CYP3A4: variants seen among roughly 807,000 people sequenced by gnomAD.
The protein encoded by CYP3A4 is cytochrome P450 family 3 subfamily A member 4.
Under a neutral mutation model 54.9 loss-of-function variants are expected in CYP3A4, and 41 were observed. The observed-to-expected ratio is 0.75, with a 90% CI of 0.58 to 0.97. The LOEUF (loss-of-function observed/expected upper bound fraction) is 0.97. Among genes scored for constraint, CYP3A4 ranks in the 50% least tolerant of loss-of-function variants. The pLI is 0.00. For missense variants in CYP3A4, 510 were observed against 597.3 expected (o/e 0.85, Z 1.52); for synonymous variants, 179 against 205.2 (o/e 0.87, Z 1.09).
chr7:99,758,666 A>C (rs1177469965), intron 12 of CYP3A4, among the ~76,000 whole-genome samples: 2 of 152,200 alleles, frequency 1.3e-5, no homozygotes, highest in Non-Finnish European at 2.9e-5. Flanking sequence ...AGTCATATAA[A>C]GTTAATTTTG....
rs60535349 is a variant in CYP3A4 at position 99,758,213 on chromosome 7, T to A, written c.1432A>T (p.Ser478Cys). The A allele has an allele frequency of 5.6e-5, 91 of 1,613,770 alleles. No homozygotes were observed. The Middle Eastern group carries it at 6.6e-4, about 12-fold the overall frequency. ...TCTGGTTGAAGAAGTCCTCCTAAGC[T>A]TAATTTCAGGGGGATCTGCAACAGT... is the stretch of plus-strand genomic sequence containing the variant. Reference protein sequence around the residue: ...CKETQIPLKLSLGGLLQPEKP... With the variant: ...CKETQIPLKLCLGGLLQPEKP... Residue 478 changes from serine to cysteine, a missense_variant, in exon 13 of 13, where the codon AGC (serine) becomes TGC (cysteine). By Grantham distance (112) the Ser-to-Cys change is moderately radical. Around this residue, in one of 2 missense-constraint regions of CYP3A4, gnomAD observed 238 missense variants for 322.5 expected, o/e 0.74. Coordinates refer to ENST00000651514, the MANE Select transcript of CYP3A4 (RefSeq NM_017460.6).
At chr7:99,763,645 G>GAGAA (rs1404511329) in intron 10 of CYP3A4, among the ~76,000 whole-genome samples, 1 of 152,216 alleles carries the variant, frequency 6.6e-6, no homozygotes, top group African/African-American at 2.4e-5. Flanking sequence ...AGATGAACCA[G>GAGAA]AGCCAGCACG....
chr7:99,760,740 A>T, intron 12 of CYP3A4, 79 bp downstream of exon 12: 2 of 1,524,862 alleles, frequency 1.3e-6, no homozygotes, highest in South Asian at 2.4e-5. Flanking sequence ...TTAAACAAGC[A>T]TATTCTTTTT....
At chr7:99,779,846 T>C (rs1202715793) in intron 2 of CYP3A4, 146 bp downstream of exon 2, 2 of 730,830 alleles carry the variant, frequency 2.7e-6, no homozygotes, top group East Asian at 2.9e-5. Context: ...TGGGTAAACA[T>C]TGCCATGTTC....
rs770953467 is a variant in CYP3A4 at position 99,768,473 on chromosome 7, A to G, written c.551T>C (p.Ile184Thr). The G allele has an allele frequency of 6.2e-6, 10 of 1,614,008 alleles. No homozygotes were observed. In the South Asian group the frequency reaches 7.7e-5, roughly 12 times the overall value. Residue 184 changes from isoleucine (I) to threonine (T), a missense_variant, in exon 7 of 13, where the codon ATC (isoleucine) becomes ACC (threonine). Coordinates refer to ENST00000651514, the MANE Select transcript of CYP3A4 (RefSeq NM_017460.6). ...GTTCACTCCAAATGATGTGCTAGTG[A>G]TCACATCCATGCTGTAGGCCCCAAA... Reference protein sequence around the residue: ...DVFGAYSMDVITSTSFGVNID... With the variant: ...DVFGAYSMDVTTSTSFGVNID...
At chr7:99,775,696 A>G (rs1446373951) in intron 3 of CYP3A4, among the ~76,000 whole-genome samples, 11 of 152,224 alleles carry the variant, frequency 7.2e-5, no homozygotes, top group African/African-American at 1.9e-4. Flanking sequence ...TTAACTCAAG[A>G]TGGATTAAAG....
chr7:99,768,233 T>C, intron 7 of CYP3A4, 121 bp downstream of exon 7: 1 of 1,155,544 alleles, frequency 8.7e-7, no homozygotes, highest in Non-Finnish European at 1.2e-6. Context: ...TATCTTCAAA[T>C]GTACTACAAA....
intron 1 of CYP3A4, among the ~76,000 whole-genome samples, chr7:99,781,490 A>T (rs561084110): frequency 6.6e-6 from 1 of 152,152 alleles, no homozygotes; most frequent in East Asian, 1.9e-4. Context: ...CCTGCTTGCA[A>T]CTCATCTTTG....
chr7:99,763,494 C>T (rs1405871522), intron 10 of CYP3A4, among the ~76,000 whole-genome samples: 1 of 152,166 alleles, frequency 6.6e-6, no homozygotes, highest in African/African-American at 2.4e-5. Context: ...GGACATCACA[C>T]ACCACTATGG....
chr7:99,758,342 T>C, intron 12 of CYP3A4, 114 bp from the exon 13 acceptor site: 1 of 1,273,544 alleles, frequency 7.9e-7, no homozygotes, highest in Non-Finnish European at 1.1e-6. Flanking sequence ...CAGAGTGATA[T>C]TCTGATCTCT....
At chr7:99,778,293 G>A (rs35379756) in intron 2 of CYP3A4, among the ~76,000 whole-genome samples, 48 of 152,284 alleles carry the variant, frequency 3.2e-4, no homozygotes, top group African/African-American at 1.2e-3. Context: ...TCCAAGTGTT[G>A]TGGATACTGA....
At chr7:99,773,410 A>G (rs1289988317) in intron 3 of CYP3A4, among the ~76,000 whole-genome samples, 3 of 152,200 alleles carry the variant, frequency 2.0e-5, no homozygotes, top group Non-Finnish European at 4.4e-5. Context: ...TCAGCACCAC[A>G]TCGCACTTAT....
chr7:99,763,830 CCTT>C, intron 10 of CYP3A4, 22 bp downstream of exon 10: 3 of 1,613,634 alleles, frequency 1.9e-6, no homozygotes, highest in Non-Finnish European at 1.7e-6. Flanking sequence ...CCTCCTCCCT[CCTT>C]CTCCATGTAC....
chr7:99,769,545 T>C, intron 6 of CYP3A4: 1 of 560,106 alleles, frequency 1.8e-6, no homozygotes, highest in Non-Finnish European at 3.2e-6. Flanking sequence ...AATGGATATG[T>C]AAACCCTGGC....
At chr7:99,768,307 A>G (rs1563041679) in intron 7 of CYP3A4, 47 bp downstream of exon 7, 1 of 1,578,730 alleles carries the variant, frequency 6.3e-7, no homozygotes, top group Non-Finnish European at 8.7e-7. Flanking sequence ...TAAAGCAGTT[A>G]TTTTTAAGAG....
intron 9 of CYP3A4, among the ~76,000 whole-genome samples, chr7:99,765,431 AGAT>A (rs1305952539): frequency 6.6e-6 from 1 of 152,192 alleles, no homozygotes; most frequent in Non-Finnish European, 1.5e-5. Context: ...ATAAGTAGAT[AGAT>A]GATAGATGGA....
intron 9 of CYP3A4, 49 bp downstream of exon 9, chr7:99,766,328 C>A (rs769942952): frequency 2.5e-6 from 4 of 1,596,616 alleles, no homozygotes; most frequent in Non-Finnish European, 3.4e-6. Context: ...CAGAACAAGG[C>A]CTTCCCTCTG....
intron 7 of CYP3A4, 115 bp from the exon 8 acceptor site, chr7:99,767,373 C>G: frequency 1.1e-6 from 1 of 937,196 alleles, no homozygotes; most frequent in Non-Finnish European, 1.5e-6. Context: ...CATCAAGGTT[C>G]TCAACTGGAA....
In CYP3A4 at chr7:99,757,122, CT is replaced by C. The variant is rs1424554784; in HGVS notation, c.*1010del. On this transcript the variant is annotated 3_prime_UTR_variant, in exon 13 of 13. Transcript: ENST00000651514. The stretch of plus-strand genomic sequence containing the variant: ...ATGGGCTGAAAACATTAAATCAAAA[CT>C]AATAATATAATAAGAGCTTCAGTTC... The C allele has an allele frequency of 6.6e-6, 1 of 152,098 alleles. No homozygotes were observed. Among genetic ancestry groups the C allele is most frequent in the Non-Finnish European group, 1.5e-5 (1 of 68,024 alleles). 9.4% of individuals were successfully genotyped at this position (152,098 alleles called of 1,614,324 possible).
Sources: gnomAD v4.1 joint callset for allele counts (sites outside exome capture counted in the v4.1 genomes callset) on GRCh38, gnomAD v4.1.1 for gene constraint, gnomAD v4.1.1 regional missense constraint, MANE v1.5 for transcripts, NCBI Gene and HGNC (gene_info 2026-07-23, HGNC 2026-07-21) for gene names.